GPBP1: variants seen among roughly 807,000 people sequenced by gnomAD.
GPBP1 encodes vasculin.
In GPBP1, 13 loss-of-function variants were observed where a neutral mutation model predicts 56.5. The ratio of observed to expected loss-of-function variants is 0.23; its 90% CI spans 0.15 to 0.37. GPBP1 has a LOEUF of 0.37. GPBP1 is among the 10% of genes least tolerant of loss of function. GPBP1 has a pLI of 1.00. For synonymous variants in GPBP1, 204 were observed against 188.9 expected, an observed-to-expected ratio of 1.08 and a Z score of -0.66; for missense variants, 477 against 572.3, an observed-to-expected ratio of 0.83 and a Z score of 1.70.
chr5:57,247,327 C>T, intron 8 of GPBP1, 112 bp downstream of exon 8: 4 of 860,252 alleles, frequency 4.6e-6, no homozygotes, highest in Non-Finnish European at 6.7e-6. Flanking sequence ...AGTTTCATTC[C>T]TTCAGAAAAC....
At chr5:57,219,777 G>A (rs1449303518) in intron 3 of GPBP1, among the ~76,000 whole-genome samples, 1 of 152,174 alleles carries the variant, frequency 6.6e-6, no homozygotes, top group Non-Finnish European at 1.5e-5. Context: ...TCTGGGCCGG[G>A]TGCGGTGGCT....
At chr5:57,190,877 T>C (rs1341863693) in intron 2 of GPBP1, among the ~76,000 whole-genome samples, 2 of 151,726 alleles carry the variant, frequency 1.3e-5, no homozygotes, top group East Asian at 3.9e-4. Context: ...TGGCTAATTT[T>C]TGTATTTTTT....
intron 3 of GPBP1, among the ~76,000 whole-genome samples, chr5:57,215,707 G>A (rs1040145647): frequency 7.2e-5 from 11 of 152,232 alleles, no homozygotes; most frequent in Non-Finnish European, 1.6e-4. Context: ...TTCTGAGAGG[G>A]CTGTTAGTGT....
chr5:57,179,685 C>T (rs78406087), intron 2 of GPBP1, among the ~76,000 whole-genome samples: 1 of 152,068 alleles, frequency 6.6e-6, no homozygotes, highest in African/African-American at 2.4e-5. Context: ...GCAACCTCTG[C>T]CTCCCCGGTT....
At chr5:57,239,170 T>C (rs1385532604) in intron 6 of GPBP1, among the ~76,000 whole-genome samples, 1 of 152,222 alleles carries the variant, frequency 6.6e-6, no homozygotes, top group Non-Finnish European at 1.5e-5. Context: ...GAAATTATAG[T>C]GTTTTAAGAA....
In GPBP1 at chr5:57,262,562, A is replaced by G. The variant is rs754839114; in HGVS notation, c.1264-32A>G. ...ACAGTAGGTTTGTAACTCTTGAGGG[A>G]TAATTTATTTATTTTGCTGTTAACA... On this transcript the variant is annotated intron_variant, in intron 11 of 11. Transcript: ENST00000506184. 9 of 1,513,880 alleles carry G rather than the reference A, an allele frequency of 5.9e-6. No individual in the cohort carries two copies. The South Asian group carries it at 9.0e-5, about 15-fold the overall frequency. 93.8% of individuals were successfully genotyped at this position (1,513,880 alleles called of 1,614,324 possible). A position where few individuals can be genotyped will look rare whatever the true frequency, so the allele number is the denominator to read the frequency against.
chr5:57,188,105 A>T (rs953670653), intron 2 of GPBP1, among the ~76,000 whole-genome samples: 1 of 151,876 alleles, frequency 6.6e-6, no homozygotes, highest in African/African-American at 2.4e-5. Flanking sequence ...TTAACTGGGC[A>T]TGATTGTGCA....
intron 2 of GPBP1, among the ~76,000 whole-genome samples, chr5:57,197,970 C>G (rs1754839680): frequency 6.6e-6 from 1 of 151,684 alleles, no homozygotes; most frequent in Non-Finnish European, 1.5e-5. Context: ...CCCTGAAAAG[C>G]CAAATATCTT....
intron 9 of GPBP1, 113 bp from the exon 10 acceptor site, chr5:57,250,834 TGCGCCTG>T: frequency 1.5e-6 from 1 of 688,576 alleles, no homozygotes; most frequent in Non-Finnish European, 2.3e-6. Context: ...GGTGAGCCAC[TGCGCCTG>T]GCCGCATTTA....
At chr5:57,251,463 A>G (rs1409484841) in intron 10 of GPBP1, among the ~76,000 whole-genome samples, 1 of 151,814 alleles carries the variant, frequency 6.6e-6, no homozygotes, top group Non-Finnish European at 1.5e-5. Context: ...TTCAAGTTTT[A>G]TTTGCATTGT....
intron 2 of GPBP1, among the ~76,000 whole-genome samples, chr5:57,201,202 G>A (rs966439805): frequency 2.6e-5 from 4 of 152,050 alleles, no homozygotes; most frequent in African/African-American, 9.7e-5. Flanking sequence ...TTTTGAGTCA[G>A]GGCCTTGCTC....
At position 57,193,819 on chromosome 5, in the gene GPBP1, G is replaced by A. The variant is rs73127756; in HGVS notation, c.-58+17419G>A. On this transcript the variant is annotated intron_variant, in intron 2 of 11. Coordinates refer to ENST00000506184, the MANE Select transcript of GPBP1 (RefSeq NM_022913.4). Reference sequence around the variant, plus strand: ...TGAAAAAAACAAAACAGTTTATTCAGGAAACAGTAAAATTGAGTCAGACTA... The same window carrying A: ...TGAAAAAAACAAAACAGTTTATTCAAGAAACAGTAAAATTGAGTCAGACTA... Among the ~76,000 whole-genome samples, 714 of 151,982 alleles carry A rather than the reference G, an allele frequency of 4.7e-3. 2 individuals carry two copies. The highest frequency in any genetic ancestry group is 0.017 in the African/African-American group (684 of 41,454).
chr5:57,212,298 A>G (rs181818709), intron 2 of GPBP1, among the ~76,000 whole-genome samples: 70 of 152,324 alleles, frequency 4.6e-4, no homozygotes, highest in Non-Finnish European at 7.9e-4. Flanking sequence ...AAATACTAAA[A>G]TACTAAAGCA....
chr5:57,180,124 C>G (rs1278572468), intron 2 of GPBP1, among the ~76,000 whole-genome samples: 1 of 151,904 alleles, frequency 6.6e-6, no homozygotes, highest in African/African-American at 2.4e-5. Context: ...GATTATTTAA[C>G]TTTTTTTTCT....
intron 5 of GPBP1, among the ~76,000 whole-genome samples, chr5:57,235,381 C>T (rs1205687861): frequency 6.6e-6 from 1 of 150,906 alleles, no homozygotes; most frequent in African/African-American, 2.4e-5. Context: ...TAGACTGATG[C>T]AAAGACCTCC....
chr5:57,193,532 T>C (rs1243859891), intron 2 of GPBP1, among the ~76,000 whole-genome samples: 1 of 147,820 alleles, frequency 6.8e-6, no homozygotes, highest in Non-Finnish European at 1.5e-5. Flanking sequence ...GAAGATCGCT[T>C]GAGCCCAGGA....
intron 2 of GPBP1, among the ~76,000 whole-genome samples, chr5:57,190,328 T>TAATC (rs1754465849): frequency 6.6e-6 from 1 of 152,120 alleles, no homozygotes; most frequent in Non-Finnish European, 1.5e-5. Flanking sequence ...CTCATACCTG[T>TAATC]AATCCCAGCA....
At chr5:57,250,696 C>T (rs549305173) in intron 9 of GPBP1, among the ~76,000 whole-genome samples, 1 of 152,080 alleles carries the variant, frequency 6.6e-6, no homozygotes, top group African/African-American at 2.4e-5. Context: ...GCGTGTATCA[C>T]CACGCCCAGC....
chr5:57,213,114 C>T (rs987960232), intron 2 of GPBP1, among the ~76,000 whole-genome samples: 5 of 152,016 alleles, frequency 3.3e-5, no homozygotes, highest in African/African-American at 9.7e-5. Context: ...AGTGCAGTGG[C>T]GTGATCTTGG....
Sources: allele counts gnomAD v4.1 joint callset (sites outside exome capture counted in the v4.1 genomes callset), GRCh38; gene constraint gnomAD v4.1.1; transcripts MANE v1.5; gene names NCBI Gene and HGNC (gene_info 2026-07-23, HGNC 2026-07-21).